Variants in TNFSF4 observed in about 807,000 individuals in gnomAD.
TNFSF4 encodes tumor necrosis factor ligand superfamily member 4.
A neutral mutation model predicts 7.3 loss-of-function variants in TNFSF4; 4 were observed. The observed-to-expected ratio is 0.55, with a 90% CI of 0.27 to 1.25. The LOEUF (loss-of-function observed/expected upper bound fraction) is 1.25. Ranked by LOEUF, TNFSF4 falls within the 50% of genes most tolerant of loss-of-function variation. TNFSF4 has a pLI of 0.12. For missense variants in TNFSF4, 181 were observed against 208.8 expected (o/e 0.87, Z 0.82); for synonymous variants, 76 against 83.7 (o/e 0.91, Z 0.50).
the TNFSF4 span, among the ~76,000 whole-genome samples, chr1:173,423,829 C>T: frequency 5.3e-5 from 8 of 152,124 alleles, no homozygotes; most frequent in Non-Finnish European, 1.2e-4. Flanking sequence ...TAACAAAATA[C>T]CTGAGACTGG....
At chr1:173,234,655 G>A in the TNFSF4 span, among the ~76,000 whole-genome samples, 2 of 152,212 alleles carry the variant, frequency 1.3e-5, no homozygotes. Flanking sequence ...GGACATGGAT[G>A]AAGCTGGAAA....
chr1:173,192,428 T>C (rs1405255851), intron 1 of TNFSF4, among the ~76,000 whole-genome samples: 9 of 152,238 alleles, frequency 5.9e-5, no homozygotes, highest in African/African-American at 2.2e-4. Flanking sequence ...TGGAGGAATA[T>C]TAAATGCATA....
chr1:173,390,064 A>T, the TNFSF4 span, among the ~76,000 whole-genome samples: 1 of 152,170 alleles, frequency 6.6e-6, no homozygotes, highest in East Asian at 1.9e-4. Flanking sequence ...CTACTACCAG[A>T]TGTCCAAATA....
the TNFSF4 span, among the ~76,000 whole-genome samples, chr1:173,360,923 A>G: frequency 6.6e-6 from 1 of 152,218 alleles, no homozygotes; most frequent in African/African-American, 2.4e-5. Context: ...CGGGCTGCTG[A>G]GAAGAGATGC....
At chr1:173,354,812 T>C in the TNFSF4 span, among the ~76,000 whole-genome samples, 1 of 152,234 alleles carries the variant, frequency 6.6e-6, no homozygotes, top group Admixed American at 6.5e-5. Flanking sequence ...TTGAAGACCA[T>C]ATCTATCTTT....
chr1:173,301,457 T>G, the TNFSF4 span, among the ~76,000 whole-genome samples: 6 of 151,996 alleles, frequency 3.9e-5, no homozygotes, highest in East Asian at 1.2e-3. Context: ...TAGGTAAATA[T>G]AAATAATTAA....
chr1:173,188,717 G>A (rs1236183470), intron 1 of TNFSF4, 148 bp from the exon 2 acceptor site: 1 of 684,388 alleles, frequency 1.5e-6, no homozygotes, highest in Non-Finnish European at 2.5e-6. Flanking sequence ...TGTTGTTGTT[G>A]TTGTTGTTGT....
chr1:173,230,153 C>T, the TNFSF4 span, among the ~76,000 whole-genome samples: 3 of 152,210 alleles, frequency 2.0e-5, no homozygotes, highest in African/African-American at 7.2e-5. Flanking sequence ...CCACACCACA[C>T]TTATTCCAAA....
the TNFSF4 span, chr1:173,362,816 G>T: frequency 2.3e-6 from 1 of 426,014 alleles, no homozygotes; most frequent in South Asian, 2.1e-5. Flanking sequence ...TGCTTCATTA[G>T]ATGCAATGCA....
rs926943786 is a variant in TNFSF4, at chr1:173,185,593, C to T, written c.*923G>A. On this transcript the variant is annotated 3_prime_UTR_variant, in exon 3 of 3. Coordinates refer to ENST00000281834, the MANE Select transcript of TNFSF4 (RefSeq NM_003326.5). ...ACATGGAGCTGAGTGCGTATCTCAGCATAGGCAGGAGGATGAGCATGTGTT... is the reference window on the plus strand; with the variant it reads ...ACATGGAGCTGAGTGCGTATCTCAGTATAGGCAGGAGGATGAGCATGTGTT... The T allele has an allele frequency of 3.9e-5, 6 of 152,188 alleles. No homozygotes were observed. The highest frequency in any genetic ancestry group is 1.4e-4 in the African/African-American group (6 of 41,450). The allele number at this position is 152,188 out of a possible 1,614,324, so 9.4% of individuals were successfully genotyped here. A position where few individuals can be genotyped will look rare whatever the true frequency, so the allele number is the denominator to read the frequency against.
upstream of TNFSF4, among the ~76,000 whole-genome samples, chr1:173,210,666 CA>C (rs546452963): frequency 1.3e-5 from 2 of 151,268 alleles, no homozygotes; most frequent in Middle Eastern, 3.4e-3. Flanking sequence ...TTTAGAATTA[CA>C]AAAAAAATCA....
At chr1:173,283,728 GA>G in the TNFSF4 span, among the ~76,000 whole-genome samples, 1 of 151,962 alleles carries the variant, frequency 6.6e-6, no homozygotes, top group African/African-American at 2.4e-5. Flanking sequence ...CTGAGATGCT[GA>G]AAAAATCATG....
chr1:173,356,545 T>A, the TNFSF4 span, among the ~76,000 whole-genome samples: 1 of 152,238 alleles, frequency 6.6e-6, no homozygotes, highest in Admixed American at 6.5e-5. Flanking sequence ...AGTACCTGAC[T>A]TTGATTCTTG....
intron 1 of TNFSF4, among the ~76,000 whole-genome samples, chr1:173,200,995 A>C (rs1649919467): frequency 6.6e-6 from 1 of 152,274 alleles, no homozygotes; most frequent in Non-Finnish European, 1.5e-5. Context: ...TACTGAAAAA[A>C]GATTTTAGTT....
At chr1:173,336,735 C>T in the TNFSF4 span, among the ~76,000 whole-genome samples, 11 of 152,132 alleles carry the variant, frequency 7.2e-5, no homozygotes, top group Non-Finnish European at 1.0e-4. Flanking sequence ...GTTGGTAAGA[C>T]ATTTGCACAT....
chr1:173,339,125 C>A, the TNFSF4 span, among the ~76,000 whole-genome samples: 1 of 152,184 alleles, frequency 6.6e-6, no homozygotes, highest in Non-Finnish European at 1.5e-5. Flanking sequence ...GGTGCAGTGG[C>A]TCACGCTTGT....
chr1:173,256,659 G>A, the TNFSF4 span, among the ~76,000 whole-genome samples: 1 of 152,102 alleles, frequency 6.6e-6, no homozygotes, highest in African/African-American at 2.4e-5. Flanking sequence ...AGTTAAACTT[G>A]GATAGAATGA....
At chr1:173,188,341 C>A (rs974443802) in intron 2 of TNFSF4, 180 bp downstream of exon 2, 2 of 592,674 alleles carry the variant, frequency 3.4e-6, no homozygotes, top group Non-Finnish European at 3.0e-6. Context: ...CCCCTTTTCT[C>A]TTTATACATC....
the TNFSF4 span, among the ~76,000 whole-genome samples, chr1:173,327,356 G>T: frequency 1.0e-3 from 157 of 152,132 alleles, no homozygotes; most frequent in Non-Finnish European, 2.0e-3. Context: ...ATTAATTCAA[G>T]ATGGATTAAA....
Sources: gnomAD v4.1 joint callset for allele counts (sites outside exome capture counted in the v4.1 genomes callset) on GRCh38, gnomAD v4.1.1 for gene constraint, MANE v1.5 for transcripts, NCBI Gene and HGNC (gene_info 2026-07-23, HGNC 2026-07-21) for gene names.